Variants in ZKSCAN1 observed in about 807,000 individuals in gnomAD.
The protein encoded by ZKSCAN1 is zinc finger with KRAB and SCAN domains 1.
Under a neutral mutation model 51.6 loss-of-function variants are expected in ZKSCAN1, and 14 were observed. That is an observed-to-expected ratio of 0.27 (90% CI 0.18 to 0.42). ZKSCAN1 has a LOEUF of 0.42. ZKSCAN1 is among the 10% of genes least tolerant of loss of function. The pLI is 1.00. For synonymous variants in ZKSCAN1, 263 were observed against 261.5 expected (o/e 1.01, Z -0.06); for missense variants, 531 against 710.0 (o/e 0.75, Z 2.86).
chr7:100,018,021 C>G (rs1207124213), intron 1 of ZKSCAN1, among the ~76,000 whole-genome samples: 1 of 152,206 alleles, frequency 6.6e-6, no homozygotes, highest in Non-Finnish European at 1.5e-5. Flanking sequence ...TGCTTTATAT[C>G]TATTACCTCA....
Position 100,035,853 on chromosome 7 carries a change from TTG to T in ZKSCAN1, c.*1659_*1660del. ...AGGAGACTGTTTCACACACAGGAGA[TTG>T]TGAGCTGTGTAAGTAGTCATCGCCA... On this transcript the variant is annotated 3_prime_UTR_variant, in exon 6 of 6. Coordinates refer to ENST00000324306, the MANE Select transcript of ZKSCAN1 (RefSeq NM_003439.4). 1.0e-6 allele frequency: 1 copy of T among 985,324 alleles called. No homozygotes were observed. Among genetic ancestry groups the T allele is most frequent in the African/African-American group, 1.7e-5 (1 of 57,332 alleles). 61.0% of individuals were successfully genotyped at this position (985,324 alleles called of 1,614,324 possible).
Position 100,036,168 on chromosome 7 carries a change from T to C in ZKSCAN1, c.*1971T>C. ...TTTGGCCTCTCCTTGGCTTTATGACTTAAACCAACTACAACTTCCCTATAG... is the reference window on the plus strand; with the variant it reads ...TTTGGCCTCTCCTTGGCTTTATGACCTAAACCAACTACAACTTCCCTATAG... On this transcript the variant is annotated 3_prime_UTR_variant, in exon 6 of 6. Coordinates refer to ENST00000324306, the MANE Select transcript of ZKSCAN1 (RefSeq NM_003439.4). 1 of 985,402 alleles carries C rather than the reference T, an allele frequency of 1.0e-6. No homozygotes were observed. Among genetic ancestry groups the C allele is most frequent in the African/African-American group, 1.7e-5 (1 of 57,356 alleles). The allele number at this position is 985,402 out of a possible 1,614,324, so 61.0% of individuals were successfully genotyped here. A position where few individuals can be genotyped will look rare whatever the true frequency, so the allele number is the denominator to read the frequency against.
Position 100,037,480 on chromosome 7 carries a change from C to A in ZKSCAN1, c.*3283C>A. ...TGTATAGAGAGGTTGACGTGTGATA[C>A]GTGGGACAGTTCACATAGACATCAG... On this transcript the variant is annotated 3_prime_UTR_variant, in exon 6 of 6. Coordinates refer to ENST00000324306, the MANE Select transcript of ZKSCAN1 (RefSeq NM_003439.4). The A allele has an allele frequency of 1.0e-6, 1 of 985,430 alleles. No individual in the cohort carries two copies. Among genetic ancestry groups the A allele is most frequent in the Admixed American group, 6.1e-5 (1 of 16,280 alleles). The allele number at this position is 985,430 out of a possible 1,614,324, so 61.0% of individuals were successfully genotyped here. A position where few individuals can be genotyped will look rare whatever the true frequency, so the allele number is the denominator to read the frequency against.
chr7:100,032,573 A>G (rs1160287350), intron 5 of ZKSCAN1, among the ~76,000 whole-genome samples: 5 of 152,224 alleles, frequency 3.3e-5, no homozygotes, highest in South Asian at 2.1e-4. Context: ...TAATATTGTG[A>G]AGTCAGGCCG....
rs1158987068 is a variant in ZKSCAN1 at position 100,040,301 on chromosome 7, TG to T, written c.*6106del. The T allele has an allele frequency of 3.3e-5, 33 of 985,454 alleles. No individual in the cohort carries two copies. The African/African-American group carries it at 5.6e-4, about 17-fold the overall frequency. The allele number at this position is 985,454 out of a possible 1,614,324, so 61.0% of individuals were successfully genotyped here. On this transcript the variant is annotated 3_prime_UTR_variant, in exon 6 of 6. Transcript: ENST00000324306. ...AAACAGTGGAAGGAAACTGGGTGTT[TG>T]GTAGACTTCTAAATCATGGTCTCTG...
chr7:100,033,344 A>C lies in ZKSCAN1; in HGVS notation c.839A>C (p.Lys280Thr). 2 of 1,612,644 alleles carry C rather than the reference A, an allele frequency of 1.2e-6. No homozygotes were observed. The highest frequency in any genetic ancestry group is 1.7e-6 in the Non-Finnish European group (2 of 1,179,670). Residue 280 changes from lysine (K) to threonine (T), a missense_variant, in exon 6 of 6, where the codon AAG becomes ACG. By Grantham distance (78) the Lys-to-Thr change is moderately conservative (BLOSUM62 -1). Coordinates refer to ENST00000324306, the MANE Select transcript of ZKSCAN1 (RefSeq NM_003439.4). This position sits in a 1 kb window ranked among gnomAD's most constrained non-coding sequence, Gnocchi z 4.1. The stretch of plus-strand genomic sequence containing the variant: ...AATGAGAACGAGGAGTCAACCTCAA[A>C]GGCTGAAACCTCGGAAGATTCAGCA... ...NRNENEESTS[K>T]AETSEDSASR...
downstream of ZKSCAN1, chr7:100,041,769 A>G (rs977209453): frequency 7.1e-6 from 7 of 979,260 alleles, no homozygotes; most frequent in Non-Finnish European, 8.5e-6. Flanking sequence ...TGAAGAAAAA[A>G]AAGTATTCCA....
chr7:100,030,985 C>T (rs974609740), intron 5 of ZKSCAN1, among the ~76,000 whole-genome samples: 4 of 152,052 alleles, frequency 2.6e-5, no homozygotes, highest in Admixed American at 2.0e-4. Flanking sequence ...GTAGTAAGAA[C>T]GAGGAAGTTC....
At chr7:100,044,909 G>A (rs1224453855), downstream of ZKSCAN1, 1 of 985,200 alleles carries the variant, frequency 1.0e-6, no homozygotes, top group East Asian at 1.1e-4. Context: ...TCACGGTTTG[G>A]TTACCCTCTG....
rs1170500066 is a variant in ZKSCAN1 at position 100,033,537 on chromosome 7, G to C, written c.1032G>C (p.Glu344Asp). The change falls in exon 6 of 6, where the codon GAG (glutamate) becomes GAC (aspartate). Residue 344 changes from glutamate (E) to aspartate (D), a missense_variant. Physicochemically the swap from Glu to Asp is conservative, Grantham distance 45. Transcript: ENST00000324306. The surrounding 1 kb of genome is among the most constrained non-coding windows in gnomAD (Gnocchi z 4.1). ...AGGACAAAAAAACCATCACAGGAGA[G>C]AGAGGTCCAAGGGAGAAGGGGAAAG... Reference protein sequence around the residue: ...IGKDKKTITGERGPREKGKGL... With the variant: ...IGKDKKTITGDRGPREKGKGL... 3 of 1,614,024 alleles carry C rather than the reference G, an allele frequency of 1.9e-6. No individual in the cohort carries two copies. In the Admixed American group the frequency reaches 5.0e-5, roughly 27 times the overall value.
chr7:100,041,001 A>G lies in ZKSCAN1; in HGVS notation c.*6804A>G, dbSNP rs894196793. ...GGTAAGGGGTGGGATAGCCAAGCAA[A>G]ATCAGTAATTATTTTAAAATGAACA... On this transcript the variant is annotated 3_prime_UTR_variant, in exon 6 of 6. Transcript: ENST00000324306. 2.6e-5 allele frequency: 26 copies of G among 985,266 alleles called. No individual in the cohort carries two copies. The highest frequency in any genetic ancestry group is 5.2e-4 in the Middle Eastern group (1 of 1,936). The allele number at this position is 985,266 out of a possible 1,614,324, so 61.0% of individuals were successfully genotyped here. A position where few individuals can be genotyped will look rare whatever the true frequency, so the allele number is the denominator to read the frequency against.
rs201086075 is a variant in ZKSCAN1 at position 100,023,869 on chromosome 7, C to T, written c.363C>T (p.Pro121=). Residue 121 remains proline (P), a synonymous_variant, in exon 2 of 6, where the codon CCC becomes CCT. Coordinates refer to ENST00000324306, the MANE Select transcript of ZKSCAN1 (RefSeq NM_003439.4). ...AGGTCTGGCTGCAGGAATACCGCCCCGATAGTGGAGAGGAGGCCGTGACCC... is the reference window on the plus strand; with the variant it reads ...AGGTCTGGCTGCAGGAATACCGCCCTGATAGTGGAGAGGAGGCCGTGACCC... ...ELQVWLQEYR[P]DSGEEAVTLL... is the part of the protein sequence containing the mutation. 9.3e-6 allele frequency: 15 copies of T among 1,613,202 alleles called. No homozygotes were observed. Among genetic ancestry groups the T allele is most frequent in the East Asian group, 6.7e-5 (3 of 44,876 alleles).
At position 100,024,253 on chromosome 7, in the gene ZKSCAN1, A is replaced by G; in HGVS notation, c.526A>G (p.Thr176Ala). ...SSSFDLHHEA[T>A]QSHFKHSSRK... ...GAGCTTTGACCTTCATCACGAGGCC[A>G]CCCAGTCCCACTTCAAACATTCGTC... The change falls in exon 3 of 6, where the codon ACC becomes GCC. Residue 176 changes from threonine (T) to alanine (A), a missense_variant. Thr to Ala is a moderately conservative substitution (Grantham distance 58). This residue lies in a region of ZKSCAN1 where 403 missense variants were observed against 490.5 expected (regional missense o/e 0.82). Transcript: ENST00000324306. 1 of 1,613,898 alleles carries G rather than the reference A, an allele frequency of 6.2e-7. No homozygotes were observed. The highest frequency in any genetic ancestry group is 8.5e-7 in the Non-Finnish European group (1 of 1,179,976).
In ZKSCAN1 at chr7:100,041,356, C is replaced by T. The variant is rs1791585911; in HGVS notation, c.*7159C>T. ...TTAATTGAATGTGTTCATTTAAAAT[C>T]CTCCTTAACATTTCTAGAAAGACTT... On this transcript the variant is annotated 3_prime_UTR_variant, in exon 6 of 6. Transcript: ENST00000324306. The T allele has an allele frequency of 1.0e-6, 1 of 984,836 alleles. No homozygotes were observed. Among genetic ancestry groups the T allele is most frequent in the African/African-American group, 1.8e-5 (1 of 57,140 alleles). The allele number at this position is 984,836 out of a possible 1,614,324, so 61.0% of individuals were successfully genotyped here. A position where few individuals can be genotyped will look rare whatever the true frequency, so the allele number is the denominator to read the frequency against.
chr7:100,021,415 A>G (rs1221116273), intron 1 of ZKSCAN1, among the ~76,000 whole-genome samples: 2 of 152,060 alleles, frequency 1.3e-5, no homozygotes, highest in Non-Finnish European at 2.9e-5. Flanking sequence ...GGCATGAGCC[A>G]CCTCACCCAG....
intron 1 of ZKSCAN1, among the ~76,000 whole-genome samples, chr7:100,016,585 C>T (rs936389827): frequency 6.6e-6 from 1 of 152,304 alleles, no homozygotes; most frequent in East Asian, 1.9e-4. Flanking sequence ...AAAGGCCCTT[C>T]CGACTTCGAA....
Position 100,040,053 on chromosome 7 carries a change from T to C in ZKSCAN1, c.*5856T>C, listed in dbSNP as rs1334814891. On this transcript the variant is annotated 3_prime_UTR_variant, in exon 6 of 6. Coordinates refer to ENST00000324306, the MANE Select transcript of ZKSCAN1 (RefSeq NM_003439.4). ...ATTTTGCTATTCAGATTTTTTATTA[T>C]CTGAAAATGAAATTATCTGTTTTAC... 2.3e-6 allele frequency: 2 copies of C among 877,780 alleles called. No homozygotes were observed. The highest frequency in any genetic ancestry group is 1.8e-5 in the African/African-American group (1 of 54,904). The allele number at this position is 877,780 out of a possible 1,614,324, so 54.4% of individuals were successfully genotyped here.
At chr7:100,042,756 G>A (rs1007214418), downstream of ZKSCAN1, among the ~76,000 whole-genome samples, 17 of 149,564 alleles carry the variant, frequency 1.1e-4, no homozygotes, top group Non-Finnish European at 1.9e-4. Context: ...GTGTGTGTGT[G>A]TGTGTATACG....
At position 100,038,244 on chromosome 7, in the gene ZKSCAN1, T is replaced by C. The variant is rs117374675; in HGVS notation, c.*4047T>C. On this transcript the variant is annotated 3_prime_UTR_variant, in exon 6 of 6. Transcript: ENST00000324306. ...CCGTATATTACCTGTAAGCAGATAC[T>C]GTATTTTATTTTAGCCTATTTGACA... 3.3e-3 allele frequency: 3,221 copies of C among 985,440 alleles called. 13 individuals carry two copies. The Middle Eastern group carries it at 0.034, about 10-fold the overall frequency. The allele number at this position is 985,440 out of a possible 1,614,324, so 61.0% of individuals were successfully genotyped here. A position where few individuals can be genotyped will look rare whatever the true frequency, so the allele number is the denominator to read the frequency against.
Sources: allele counts gnomAD v4.1 joint callset (sites outside exome capture counted in the v4.1 genomes callset), GRCh38; gene constraint gnomAD v4.1.1; regional missense constraint gnomAD v4.1.1; non-coding constraint Gnocchi (gnomAD v3.1); transcripts MANE v1.5; gene names NCBI Gene and HGNC (gene_info 2026-07-23, HGNC 2026-07-21).